The following DPP6 variants were observed in gnomAD, a reference collection of about 807,000 sequenced individuals.
DPP6 encodes the protein A-type potassium channel modulatory protein DPP6.
Under a neutral mutation model 122.6 loss-of-function variants are expected in DPP6, and 69 were observed. That is an observed-to-expected ratio of 0.56 (90% CI 0.46 to 0.69). The LOEUF (loss-of-function observed/expected upper bound fraction) is 0.69, where lower values mean the gene tolerates loss of function less well. Ranked by LOEUF, DPP6 falls within the 30% of genes least tolerant of loss-of-function variation. DPP6 has a pLI of 0.00. For missense variants in DPP6, 928 were observed against 1,116.9 expected (o/e 0.83, Z 2.41); for synonymous variants, 418 against 433.1 (o/e 0.97, Z 0.43).
intron 1 of DPP6, among the ~76,000 whole-genome samples, chr7:153,932,637 C>A (rs1801225981): frequency 6.6e-6 from 1 of 152,146 alleles, no homozygotes; most frequent in African/African-American, 2.4e-5. Context: ...AAACTTCCTC[C>A]AGACCTGGGG....
intron 8 of DPP6, among the ~76,000 whole-genome samples, chr7:154,758,114 T>C (rs1795261623): frequency 1.3e-5 from 2 of 152,256 alleles, no homozygotes; most frequent in East Asian, 3.8e-4. Context: ...TGTTCTTGCC[T>C]GTGCCCTGTC....
chr7:154,597,272 G>A (rs1006991853), intron 5 of DPP6, among the ~76,000 whole-genome samples: 1 of 151,956 alleles, frequency 6.6e-6, no homozygotes, highest in Admixed American at 6.6e-5. Flanking sequence ...CACAATTGTG[G>A]GTTGGTGTCT....
chr7:154,445,096 A>G (rs1014632581), intron 1 of DPP6, among the ~76,000 whole-genome samples: 1 of 152,190 alleles, frequency 6.6e-6, no homozygotes, highest in African/African-American at 2.4e-5. Flanking sequence ...GTTTGTAGCA[A>G]TTTGACACAT....
chr7:153,765,749 C>T, the DPP6 span, among the ~76,000 whole-genome samples: 1 of 152,196 alleles, frequency 6.6e-6, no homozygotes, highest in African/African-American at 2.4e-5. Context: ...CTAAAAAACA[C>T]ATGTCGCCTC....
intron 3 of DPP6, among the ~76,000 whole-genome samples, chr7:154,484,939 T>C (rs891839167): frequency 3.3e-5 from 5 of 151,152 alleles, no homozygotes; most frequent in Admixed American, 6.7e-5. Context: ...TCTTCTCTTT[T>C]GTTATGCTGA....
At chr7:154,579,812 C>G (rs1156618595) in intron 5 of DPP6, among the ~76,000 whole-genome samples, 2 of 152,106 alleles carry the variant, frequency 1.3e-5, no homozygotes, top group Non-Finnish European at 2.9e-5. Context: ...TGTGGGAACT[C>G]CCCCATGTGC....
In DPP6 at chr7:154,058,074, T is replaced by A. The variant is rs535549473; in HGVS notation, c.243+5011T>A. On this transcript the variant is annotated intron_variant, in intron 1 of 25. Transcript: ENST00000377770. ...CCCCCCTGACTCTTGGGACTCCCAT[T>A]GCGGGTGGAGGGAGGCATCCCCCAT... 66 of 134,792 alleles carry A rather than the reference T, an allele frequency of 4.9e-4. 4 individuals are homozygous for A. The highest frequency in any genetic ancestry group is 1.6e-5 in the Non-Finnish European group (1 of 61,786). 8.3% of individuals were successfully genotyped at this position (134,792 alleles called of 1,614,324 possible). A position where few individuals can be genotyped will look rare whatever the true frequency, so the allele number is the denominator to read the frequency against.
chr7:153,979,445 G>A (rs1393017388), intron 1 of DPP6, among the ~76,000 whole-genome samples: 1 of 152,176 alleles, frequency 6.6e-6, no homozygotes, highest in Non-Finnish European at 1.5e-5. Context: ...GGAGTTTTTG[G>A]GCTGAGGCAA....
chr7:154,273,755 C>G (rs1010664223), intron 1 of DPP6, among the ~76,000 whole-genome samples: 1 of 152,112 alleles, frequency 6.6e-6, no homozygotes, highest in Non-Finnish European at 1.5e-5. Flanking sequence ...ATGAGTTTCC[C>G]TGAGATGTAG....
intron 1 of DPP6, among the ~76,000 whole-genome samples, chr7:154,294,010 G>A (rs1321469085): frequency 6.6e-6 from 1 of 152,146 alleles, no homozygotes; most frequent in East Asian, 1.9e-4. Context: ...GATGTCCATT[G>A]CTTTACATAG....
intron 3 of DPP6, among the ~76,000 whole-genome samples, chr7:154,539,425 T>G (rs536161086): frequency 6.6e-6 from 1 of 152,158 alleles, no homozygotes; most frequent in Non-Finnish European, 1.5e-5. Context: ...AGGTGGGAAT[T>G]GAACAATGAG....
chr7:154,885,986 G>T (rs1806118053), intron 22 of DPP6, among the ~76,000 whole-genome samples: 1 of 152,240 alleles, frequency 6.6e-6, no homozygotes, highest in African/African-American at 2.4e-5. Context: ...TCCCAATGAA[G>T]ACCACGAGTT....
chr7:154,023,152 A>C (rs1021487148), intron 1 of DPP6, among the ~76,000 whole-genome samples: 36 of 151,886 alleles, frequency 2.4e-4, no homozygotes, highest in African/African-American at 8.0e-4. Flanking sequence ...CACCTTGTGA[A>C]GATTGCACGA....
chr7:154,864,206 C>A (rs1348853465), intron 17 of DPP6, among the ~76,000 whole-genome samples: 3 of 152,252 alleles, frequency 2.0e-5, no homozygotes. Context: ...CGGCTGCTCT[C>A]TCCTCTTTTA....
intron 16 of DPP6, among the ~76,000 whole-genome samples, chr7:154,832,282 C>T (rs4265142): frequency 0.39 from 59,249 of 152,056 alleles, 13,773 homozygotes; most frequent in East Asian, 0.61. Flanking sequence ...AATGCTGGGA[C>T]AGAGACATGC....
At chr7:154,247,770 T>A (rs1257125389) in intron 1 of DPP6, among the ~76,000 whole-genome samples, 1 of 152,080 alleles carries the variant, frequency 6.6e-6, no homozygotes, top group East Asian at 1.9e-4. Context: ...CCAACAGCAA[T>A]GAAAACATGT....
chr7:154,072,873 G>A (rs2150511860), intron 1 of DPP6, among the ~76,000 whole-genome samples: 1 of 152,412 alleles, frequency 6.6e-6, no homozygotes, highest in African/African-American at 2.4e-5. Flanking sequence ...GTGGTTTGCA[G>A]AGTGGTAAGT....
At chr7:154,573,511 T>C (rs1282595553) in intron 5 of DPP6, among the ~76,000 whole-genome samples, 1 of 152,172 alleles carries the variant, frequency 6.6e-6, no homozygotes, top group Non-Finnish European at 1.5e-5. Context: ...CCTGCACCCA[T>C]CAGCATCACT....
chr7:154,249,688 G>C (rs896319917), intron 1 of DPP6, among the ~76,000 whole-genome samples: 12 of 152,112 alleles, frequency 7.9e-5, no homozygotes, highest in Non-Finnish European at 1.8e-4. Flanking sequence ...ATGGCTTCTT[G>C]AGAATGTGTA....
Sources: gnomAD v4.1 joint callset for allele counts (sites outside exome capture counted in the v4.1 genomes callset) on GRCh38, gnomAD v4.1.1 for gene constraint, MANE v1.5 for transcripts, NCBI Gene and HGNC (gene_info 2026-07-23, HGNC 2026-07-21) for gene names.